Variants in TMEM150C observed in about 807,000 individuals in gnomAD.
TMEM150C encodes tentonin 3.
A neutral mutation model predicts 29.9 loss-of-function variants in TMEM150C; 10 were observed. The ratio of observed to expected loss-of-function variants is 0.33; its 90% CI spans 0.21 to 0.57. The LOEUF is 0.57. TMEM150C is among the 20% of genes least tolerant of loss of function. The probability of loss-of-function intolerance (pLI) is 0.88; values close to 1 mark genes in which losing one functional copy is unlikely to be tolerated. For missense variants in TMEM150C, 251 were observed against 303.6 expected, an observed-to-expected ratio of 0.83 and a Z score of 1.29; for synonymous variants, 101 against 112.5, an observed-to-expected ratio of 0.90 and a Z score of 0.64.
intron 1 of TMEM150C, among the ~76,000 whole-genome samples, chr4:82,540,380 G>A (rs2110087362): frequency 6.6e-6 from 1 of 151,702 alleles, no homozygotes; most frequent in Non-Finnish European, 1.5e-5. Context: ...CTCCTAAAGT[G>A]CGGGGAACAC....
chr4:82,495,628 T>C (rs1185187000), intron 6 of TMEM150C: 2 of 347,210 alleles, frequency 5.8e-6, no homozygotes, highest in South Asian at 2.6e-5. Context: ...CTTTCCTTGG[T>C]CTATATATAA....
chr4:82,523,952 G>C (rs1724570867), intron 1 of TMEM150C, among the ~76,000 whole-genome samples: 1 of 151,752 alleles, frequency 6.6e-6, no homozygotes, highest in South Asian at 2.1e-4. Flanking sequence ...AAAATGTTGG[G>C]ATTACAGGTG....
At chr4:82,549,840 G>T (rs75401650) in intron 1 of TMEM150C, among the ~76,000 whole-genome samples, 6,985 of 152,144 alleles carry the variant, frequency 0.046, 556 homozygotes, top group African/African-American at 0.16. Context: ...TAAGAAATTT[G>T]CAAATGCTTG....
chr4:82,561,752 G>T (rs1341940099), intron 1 of TMEM150C, among the ~76,000 whole-genome samples, 154 bp downstream of exon 1: 1 of 147,076 alleles, frequency 6.8e-6, no homozygotes, highest in Non-Finnish European at 1.5e-5. Flanking sequence ...GGCCGCAGCC[G>T]AGCAGGGCCC....
chr4:82,544,537 G>A (rs897118916), intron 1 of TMEM150C, among the ~76,000 whole-genome samples: 10 of 152,160 alleles, frequency 6.6e-5, no homozygotes, highest in African/African-American at 1.9e-4. Context: ...CCAGCACTTT[G>A]GGAGGCCCAG....
intron 1 of TMEM150C, among the ~76,000 whole-genome samples, chr4:82,515,777 T>C (rs1001085584): frequency 1.3e-5 from 2 of 150,494 alleles, no homozygotes; most frequent in East Asian, 3.9e-4. Flanking sequence ...CCTTCAGCCA[T>C]AGGCAGTGAT....
intron 1 of TMEM150C, among the ~76,000 whole-genome samples, chr4:82,537,471 G>A (rs1237255469): frequency 6.6e-6 from 1 of 152,214 alleles, no homozygotes; most frequent in Non-Finnish European, 1.5e-5. Context: ...ACAACTGGGT[G>A]ATAGGTATCA....
intron 6 of TMEM150C, among the ~76,000 whole-genome samples, chr4:82,492,739 T>C (rs1347071619): frequency 1.4e-5 from 2 of 145,244 alleles, no homozygotes; most frequent in Admixed American, 1.4e-4. Flanking sequence ...ATTATCACCA[T>C]TAGATCATAA....
chr4:82,542,999 T>A (rs935935826), intron 1 of TMEM150C, among the ~76,000 whole-genome samples: 1 of 152,222 alleles, frequency 6.6e-6, no homozygotes, highest in African/African-American at 2.4e-5. Flanking sequence ...GACTGTTATG[T>A]ATATAGCACT....
At position 82,533,810 on chromosome 4, in the gene TMEM150C, G is replaced by A. The variant is rs549063791; in HGVS notation, c.-11+28096C>T. Among the ~76,000 whole-genome samples, 9 of 152,262 alleles carry A rather than the reference G, an allele frequency of 5.9e-5. No individual in the cohort carries two copies. The East Asian group carries it at 1.3e-3, about 23-fold the overall frequency. On this transcript the variant is annotated intron_variant, in intron 1 of 7. Transcript: ENST00000449862. The stretch of plus-strand genomic sequence containing the variant: ...CAGCCTCTCAATAAAATATAAAGCC[G>A]CAGAAATGTTATCCGCACAATGAAA...
intron 1 of TMEM150C, among the ~76,000 whole-genome samples, chr4:82,530,198 A>T (rs558433306): frequency 1.3e-5 from 2 of 151,762 alleles, no homozygotes; most frequent in East Asian, 3.9e-4. Context: ...GATACAGGGG[A>T]GTGAAGAGAT....
intron 1 of TMEM150C, among the ~76,000 whole-genome samples, chr4:82,528,624 A>G (rs1452714698): frequency 6.6e-5 from 8 of 121,578 alleles, no homozygotes; most frequent in Non-Finnish European, 1.1e-4. Context: ...TTTTTTTTAG[A>G]TGGAGTCTCT....
intron 1 of TMEM150C, among the ~76,000 whole-genome samples, chr4:82,538,315 C>T (rs1460487829): frequency 2.0e-5 from 3 of 152,158 alleles, no homozygotes; most frequent in Non-Finnish European, 4.4e-5. Flanking sequence ...ATCTCAGTCT[C>T]CCAAAGTGCT....
intron 5 of TMEM150C, among the ~76,000 whole-genome samples, chr4:82,502,182 T>G (rs1723758351): frequency 6.6e-6 from 1 of 152,170 alleles, no homozygotes; most frequent in South Asian, 2.1e-4. Context: ...AAAAAGGAAC[T>G]GGGGCTAGAT....
intron 1 of TMEM150C, among the ~76,000 whole-genome samples, chr4:82,544,566 C>A (rs1725296099): frequency 6.6e-6 from 1 of 151,988 alleles, no homozygotes; most frequent in African/African-American, 2.4e-5. Context: ...ATTCCTTGAG[C>A]CCAGGGGTTC....
At chr4:82,504,748 G>A (rs1244142371) in intron 1 of TMEM150C, 81 bp from the exon 2 acceptor site, 1 of 1,249,444 alleles carries the variant, frequency 8.0e-7, no homozygotes, top group Non-Finnish European at 1.1e-6. Flanking sequence ...TAGTCTAACT[G>A]GGCCAAGCAC....
intron 1 of TMEM150C, among the ~76,000 whole-genome samples, chr4:82,525,352 C>T (rs17005759): frequency 0.34 from 52,180 of 152,032 alleles, 13,259 homozygotes; most frequent in African/African-American, 0.72. Flanking sequence ...CATGCTGAAA[C>T]TGAGTAATAA....
chr4:82,516,890 A>T (rs1431712028), intron 1 of TMEM150C, among the ~76,000 whole-genome samples: 1 of 152,234 alleles, frequency 6.6e-6, no homozygotes, highest in Admixed American at 6.5e-5. Flanking sequence ...TTCTTGTTGG[A>T]GTTCAGACTG....
chr4:82,561,235 A>T (rs1198516024), intron 1 of TMEM150C, among the ~76,000 whole-genome samples: 1 of 152,260 alleles, frequency 6.6e-6, no homozygotes. Flanking sequence ...ATTGCAGCAG[A>T]TTACCAAAGA....
Sources: gnomAD v4.1 joint callset for allele counts (sites outside exome capture counted in the v4.1 genomes callset) on GRCh38, gnomAD v4.1.1 for gene constraint, MANE v1.5 for transcripts, NCBI Gene and HGNC (gene_info 2026-07-23, HGNC 2026-07-21) for gene names.